DNAH3: variants seen among roughly 807,000 people sequenced by gnomAD.
DNAH3 encodes dynein axonemal heavy chain 3.
In DNAH3, 332 loss-of-function variants were observed where a neutral mutation model predicts 432.5. The ratio of observed to expected loss-of-function variants is 0.77; its 90% CI spans 0.70 to 0.84. DNAH3 has a LOEUF of 0.84. DNAH3 is among the 40% of genes least tolerant of loss of function. DNAH3 has a pLI of 0.00. For missense variants in DNAH3, 4,861 were observed against 5,114.0 expected, an observed-to-expected ratio of 0.95 and a Z score of 1.51; for synonymous variants, 1,956 against 1,900.2, an observed-to-expected ratio of 1.03 and a Z score of -0.76.
At chr16:20,985,229 T>C in exon 48 of DNAH3, 1 of 1,614,222 alleles carries the variant, frequency 6.2e-7, no homozygotes, top group African/African-American at 1.3e-5. Flanking sequence ...AGCATGTTGA[T>C]GTCCTCCACG....
At chr16:21,050,166 G>A (rs888936234) in intron 29 of DNAH3, 148 bp from the exon 30 acceptor site, 19 of 622,038 alleles carry the variant, frequency 3.1e-5, no homozygotes, top group East Asian at 8.3e-5. Context: ...TAAAAGCCGC[G>A]ATGACTTTTG....
intron 58 of DNAH3, among the ~76,000 whole-genome samples, chr16:20,942,945 G>A (rs1461159962): frequency 6.6e-6 from 1 of 152,060 alleles, no homozygotes; most frequent in African/African-American, 2.4e-5. Flanking sequence ...GTCTCACTCT[G>A]TCGTCCAGGT....
intron 41 of DNAH3, among the ~76,000 whole-genome samples, chr16:21,011,271 G>T (rs139584289): frequency 6.6e-6 from 1 of 152,226 alleles, no homozygotes; most frequent in Non-Finnish European, 1.5e-5. Flanking sequence ...AACAACATGT[G>T]GAGCCTGTGA....
chr16:21,119,985 T>TA (rs1567824307), intron 11 of DNAH3, among the ~76,000 whole-genome samples: 1 of 152,144 alleles, frequency 6.6e-6, no homozygotes, highest in Non-Finnish European at 1.5e-5. Context: ...CCACTGTGCC[T>TA]AGCCCCTTTA....
intron 44 of DNAH3, among the ~76,000 whole-genome samples, chr16:20,994,362 C>T (rs570236739): frequency 1.5e-4 from 23 of 152,188 alleles, no homozygotes; most frequent in Non-Finnish European, 2.6e-4. Context: ...AACCCGGAGG[C>T]GGAGGTTGCA....
At chr16:20,987,352 T>C (rs142935628) in exon 47 of DNAH3, 35 of 1,614,060 alleles carry the variant, frequency 2.2e-5, no homozygotes, top group Non-Finnish European at 2.9e-5. Context: ...TCCTTCACCA[T>C]GTTGAAAAAG....
chr16:21,049,780 T>A, intron 30 of DNAH3, 98 bp from the exon 31 acceptor site: 1 of 1,370,994 alleles, frequency 7.3e-7, no homozygotes, highest in Non-Finnish European at 1.0e-6. Flanking sequence ...CTCTCCTTGC[T>A]CTGCTTGAAG....
chr16:21,054,643 G>A (rs1290161948), intron 27 of DNAH3, 109 bp from the exon 28 acceptor site: 10 of 749,876 alleles, frequency 1.3e-5, no homozygotes. Context: ...CCAGACTCCT[G>A]GGTGTCATCC....
intron 32 of DNAH3, among the ~76,000 whole-genome samples, chr16:21,041,586 GCTGGGTCT>G (rs2152733209): frequency 6.6e-6 from 1 of 152,310 alleles, no homozygotes; most frequent in South Asian, 2.1e-4. Flanking sequence ...TATGGGCGTA[GCTGGGTCT>G]CTCTTATCAC....
At chr16:21,094,829 G>T (rs2091633515) in intron 18 of DNAH3, among the ~76,000 whole-genome samples, 1 of 152,114 alleles carries the variant, frequency 6.6e-6, no homozygotes, top group African/African-American at 2.4e-5. Context: ...GTTTTCCCAT[G>T]CTGTTCTCAT....
At chr16:21,041,955 G>A (rs577797850) in intron 32 of DNAH3, 72 bp downstream of exon 32, 372 of 1,572,644 alleles carry the variant, frequency 2.4e-4, no homozygotes, top group Admixed American at 3.0e-4. Context: ...TTATAGGTGT[G>A]AGCCGCCACA....
chr16:21,097,344 T>A lies in DNAH3; in HGVS notation c.2665+11A>T, dbSNP rs753166511. The A allele has an allele frequency of 1.2e-6, 2 of 1,613,232 alleles. No homozygotes were observed. Among genetic ancestry groups the A allele is most frequent in the Middle Eastern group, 3.6e-4 (2 of 5,492 alleles). On this transcript the variant is annotated intron_variant, in intron 18 of 61. Coordinates refer to ENST00000261383, the Ensembl canonical transcript of DNAH3. ...CCCCATCTGTCCCAGCAGAGTGAGATCACCACATACCATTCATCCATTCCT... is the reference window on the plus strand; with the variant it reads ...CCCCATCTGTCCCAGCAGAGTGAGAACACCACATACCATTCATCCATTCCT...
chr16:20,946,490 C>T (rs371731420), intron 57 of DNAH3, among the ~76,000 whole-genome samples: 3 of 152,158 alleles, frequency 2.0e-5, no homozygotes, highest in African/African-American at 7.2e-5. Flanking sequence ...GGCTGTGTCA[C>T]GGGCCATGGT....
chr16:21,133,398 G>A (rs1025645225), intron 7 of DNAH3, among the ~76,000 whole-genome samples: 1 of 146,616 alleles, frequency 6.8e-6, no homozygotes, highest in African/African-American at 2.5e-5. Flanking sequence ...ACCCAAGCCC[G>A]CACACACTTC....
chr16:20,944,727 C>A, intron 57 of DNAH3, 64 bp from the exon 58 acceptor site: 2 of 1,513,368 alleles, frequency 1.3e-6, no homozygotes, highest in Admixed American at 1.8e-5. Context: ...TGACTCCAGG[C>A]TTAGCAGAAC....
At chr16:20,975,776 A>G (rs1278839228) in intron 50 of DNAH3, among the ~76,000 whole-genome samples, 1 of 152,078 alleles carries the variant, frequency 6.6e-6, no homozygotes, top group Non-Finnish European at 1.5e-5. Context: ...ACAGAGTCTC[A>G]CTCTGTCACC....
chr16:21,124,823 T>A (rs1469949505), intron 9 of DNAH3, among the ~76,000 whole-genome samples: 1 of 152,128 alleles, frequency 6.6e-6, no homozygotes, highest in African/African-American at 2.4e-5. Context: ...AAAATTTTTG[T>A]ATTTTTAGTA....
intron 38 of DNAH3, among the ~76,000 whole-genome samples, chr16:21,025,561 A>G (rs2088506629): frequency 6.7e-6 from 1 of 149,888 alleles, no homozygotes. Context: ...ATATAATTAC[A>G]TTATTACATT....
At chr16:21,145,205 T>A in exon 3 of DNAH3, 2 of 1,612,470 alleles carry the variant, frequency 1.2e-6, no homozygotes, top group South Asian at 1.1e-5. Context: ...CCCTGACCGG[T>A]CCTGTCCCTA....
Sources: gnomAD v4.1 joint callset for allele counts (sites outside exome capture counted in the v4.1 genomes callset) on GRCh38, gnomAD v4.1.1 for gene constraint, MANE v1.5 for transcripts, NCBI Gene and HGNC (gene_info 2026-07-23, HGNC 2026-07-21) for gene names.